TOP6BL: variants seen among roughly 807,000 people sequenced by gnomAD.
The protein encoded by TOP6BL is TOP6B like initiator of meiotic double strand breaks.
the TOP6BL span, among the ~76,000 whole-genome samples, chr11:66,823,164 G>A: frequency 6.6e-6 from 1 of 151,872 alleles, no homozygotes; most frequent in Admixed American, 6.6e-5. Context: ...CGTGGTGGCA[G>A]TTGCATGTAA....
chr11:66,786,019 C>G, the TOP6BL span, among the ~76,000 whole-genome samples: 2 of 152,190 alleles, frequency 1.3e-5, no homozygotes, highest in Non-Finnish European at 2.9e-5. Context: ...TCTCTTCTGG[C>G]CAGATATGGT....
the TOP6BL span, among the ~76,000 whole-genome samples, chr11:66,795,142 AATATAT>A: frequency 6.6e-6 from 1 of 150,620 alleles, no homozygotes; most frequent in African/African-American, 2.4e-5. Context: ...CTCAAAAAAA[AATATAT>A]ATATATATAC....
chr11:66,805,935 A>G, the TOP6BL span, among the ~76,000 whole-genome samples: 6 of 152,228 alleles, frequency 3.9e-5, no homozygotes, highest in African/African-American at 1.4e-4. Flanking sequence ...AACTGACAGA[A>G]TAATGATACT....
chr11:66,779,149 CA>C, the TOP6BL span, among the ~76,000 whole-genome samples: 4 of 152,082 alleles, frequency 2.6e-5, no homozygotes, highest in Non-Finnish European at 5.9e-5. Context: ...CGACAAAAGC[CA>C]AAATTGACAA....
the TOP6BL span, chr11:66,814,025 C>T: frequency 6.2e-7 from 1 of 1,605,960 alleles, no homozygotes; most frequent in Non-Finnish European, 8.5e-7. Context: ...GGTATATCCT[C>T]CCTCTTTCTG....
the TOP6BL span, among the ~76,000 whole-genome samples, chr11:66,837,180 G>A: frequency 1.3e-5 from 2 of 151,976 alleles, no homozygotes; most frequent in South Asian, 2.1e-4. Context: ...AGGCTGGAGT[G>A]CAGTGGTGTG....
the TOP6BL span, chr11:66,761,880 G>A: frequency 1.2e-5 from 12 of 1,029,024 alleles, no homozygotes; most frequent in Non-Finnish European, 1.7e-5. Flanking sequence ...CAGCACAAGG[G>A]CCTTCTTGCC....
the TOP6BL span, among the ~76,000 whole-genome samples, chr11:66,836,876 T>C: frequency 6.6e-6 from 1 of 151,254 alleles, no homozygotes; most frequent in Non-Finnish European, 1.5e-5. Context: ...AATTTTTGTA[T>C]TTTCAGTAGA....
the TOP6BL span, chr11:66,762,215 G>T: frequency 1.6e-6 from 1 of 632,970 alleles, no homozygotes. Flanking sequence ...CGGAGGTGCA[G>T]GGCCCGCGAG....
chr11:66,767,259 T>C, the TOP6BL span, among the ~76,000 whole-genome samples: 5 of 152,212 alleles, frequency 3.3e-5, no homozygotes, highest in Non-Finnish European at 7.3e-5. Flanking sequence ...TGAATACTTA[T>C]CTACTTAGGT....
the TOP6BL span, among the ~76,000 whole-genome samples, chr11:66,794,658 TA>T: frequency 2.6e-4 from 40 of 152,232 alleles, no homozygotes; most frequent in African/African-American, 9.6e-4. Context: ...TGGTAAATCT[TA>T]TATTTGTAGG....
the TOP6BL span, among the ~76,000 whole-genome samples, chr11:66,775,534 G>C: frequency 1.3e-5 from 2 of 152,218 alleles, no homozygotes; most frequent in South Asian, 2.1e-4. Context: ...TCGCCTTCCA[G>C]GAGAAGCTTT....
chr11:66,813,433 G>T, the TOP6BL span, among the ~76,000 whole-genome samples: 2 of 152,130 alleles, frequency 1.3e-5, no homozygotes, highest in Non-Finnish European at 2.9e-5. Flanking sequence ...TGTGGAAAAG[G>T]CTTAATATGT....
chr11:66,840,508 A>G, the TOP6BL span, among the ~76,000 whole-genome samples: 1 of 152,026 alleles, frequency 6.6e-6, no homozygotes, highest in Non-Finnish European at 1.5e-5. Context: ...TCAAGCTCTC[A>G]TTTCATCAGA....
chr11:66,791,010 A>T, the TOP6BL span, among the ~76,000 whole-genome samples: 1 of 152,168 alleles, frequency 6.6e-6, no homozygotes, highest in Admixed American at 6.6e-5. Flanking sequence ...ATTATATCTC[A>T]TTGTTTTTGG....
At chr11:66,800,202 T>C in the TOP6BL span, among the ~76,000 whole-genome samples, 1 of 152,028 alleles carries the variant, frequency 6.6e-6, no homozygotes, top group African/African-American at 2.4e-5. Context: ...TAGTAGAGAA[T>C]AGAATGGTGG....
the TOP6BL span, among the ~76,000 whole-genome samples, chr11:66,756,025 AC>A: frequency 6.6e-6 from 1 of 152,214 alleles, no homozygotes; most frequent in Non-Finnish European, 1.5e-5. Context: ...ACATAGTTCA[AC>A]CCACAACAGA....
At chr11:66,784,911 C>T in the TOP6BL span, among the ~76,000 whole-genome samples, 3 of 141,014 alleles carry the variant, frequency 2.1e-5, no homozygotes, top group East Asian at 2.1e-4. Context: ...AACACTGTAT[C>T]TTTAATTTCT....
chr11:66,828,076 C>T, the TOP6BL span, among the ~76,000 whole-genome samples: 1 of 151,914 alleles, frequency 6.6e-6, no homozygotes, highest in Non-Finnish European at 1.5e-5. Flanking sequence ...CCACAACTGC[C>T]TGTCTTACAC....
Sources: gnomAD v4.1 joint callset for allele counts (sites outside exome capture counted in the v4.1 genomes callset) on GRCh38, gnomAD v4.1.1 for gene constraint, MANE v1.5 for transcripts, NCBI Gene and HGNC (gene_info 2026-07-23, HGNC 2026-07-21) for gene names.